Variants in TTC27 observed in about 807,000 individuals in gnomAD.
TTC27 encodes the protein tetratricopeptide repeat domain 27.
Under a neutral mutation model 115.9 loss-of-function variants are expected in TTC27, and 79 were observed. That is an observed-to-expected ratio of 0.68 (90% CI 0.57 to 0.82). The LOEUF is 0.82. Ranked by LOEUF, TTC27 falls within the 40% of genes least tolerant of loss-of-function variation. The pLI is 0.00. For missense variants in TTC27, 1,054 were observed against 993.1 expected (o/e 1.06, Z -0.82); for synonymous variants, 401 against 356.0 (o/e 1.13, Z -1.42).
Position 32,664,383 on chromosome 2 carries a change from T to C in TTC27, c.721T>C (p.Phe241Leu). The change falls in exon 6 of 20, where the codon TTT becomes CTT. Residue 241 changes from phenylalanine (F) to leucine (L), a missense_variant. By Grantham distance (22) the Phe-to-Leu change is conservative. Coordinates refer to ENST00000317907, the MANE Select transcript of TTC27 (RefSeq NM_017735.5). ...IQFHLECAYV[F>L]LYYYEYRKAK... ...ATTCCATCTGGAATGTGCATATGTG[T>C]TTTTATATTATTATGAGTACAGAAA... 6.2e-7 allele frequency: 1 copy of C among 1,612,756 alleles called. No individual in the cohort carries two copies. The highest frequency in any genetic ancestry group is 2.2e-5 in the East Asian group (1 of 44,726).
At chr2:32,630,430 A>G (rs1187558770) in intron 1 of TTC27, 93 bp from the exon 2 acceptor site, 14 of 970,662 alleles carry the variant, frequency 1.4e-5, no homozygotes, top group Non-Finnish European at 1.8e-5. Context: ...TTGTTTTTGC[A>G]CACTAAAATG....
chr2:32,716,526 TG>T (rs1401394133), intron 10 of TTC27, among the ~76,000 whole-genome samples: 5 of 152,198 alleles, frequency 3.3e-5, no homozygotes, highest in Admixed American at 3.3e-4. Context: ...TTCTGTCTCT[TG>T]ATTTGTCAAC....
At chr2:32,762,852 G>A (rs537998842) in intron 13 of TTC27, among the ~76,000 whole-genome samples, 197 of 152,288 alleles carry the variant, frequency 1.3e-3, no homozygotes, top group African/African-American at 4.5e-3. Context: ...ATGTTGGTCA[G>A]GCTGGTCTTG....
chr2:32,772,865 G>T (rs1357130989), intron 13 of TTC27, among the ~76,000 whole-genome samples: 1 of 152,036 alleles, frequency 6.6e-6, no homozygotes, highest in Non-Finnish European at 1.5e-5. Context: ...GGGGCATCTG[G>T]AGAACTCAGG....
At chr2:32,754,744 C>T (rs540628615) in intron 12 of TTC27, among the ~76,000 whole-genome samples, 20 of 151,562 alleles carry the variant, frequency 1.3e-4, no homozygotes, top group African/African-American at 3.6e-4. Context: ...TCTCTCACCT[C>T]CCGGACGGGG....
chr2:32,747,557 A>G (rs992764477), intron 12 of TTC27, among the ~76,000 whole-genome samples: 1 of 152,202 alleles, frequency 6.6e-6, no homozygotes, highest in Non-Finnish European at 1.5e-5. Flanking sequence ...GTGTATTGCT[A>G]TGGTACCATT....
intron 10 of TTC27, among the ~76,000 whole-genome samples, chr2:32,718,271 C>A (rs569537521): frequency 6.6e-6 from 1 of 152,058 alleles, no homozygotes; most frequent in African/African-American, 2.4e-5. Context: ...ATCTTCTGTG[C>A]CTCTTCTAAG....
At chr2:32,784,540 C>T (rs1480945665) in intron 15 of TTC27, among the ~76,000 whole-genome samples, 2 of 152,158 alleles carry the variant, frequency 1.3e-5, no homozygotes, top group African/African-American at 2.4e-5. Flanking sequence ...TGATTCCCCT[C>T]GATATCATGT....
rs1489588630 is a variant in TTC27 at position 32,785,701 on chromosome 2, C to G, written c.1833-1283C>G. Among the ~76,000 whole-genome samples, 3 of 151,968 alleles carry G rather than the reference C, an allele frequency of 2.0e-5. No individual in the cohort carries two copies. The East Asian group carries it at 5.9e-4, about 30-fold the overall frequency. On this transcript the variant is annotated intron_variant, in intron 15 of 19. Transcript: ENST00000317907. ...ACCTCCACCTCCCGGGTTCAAGCGA[C>G]TCTCCTGCCTCAGCCTCCCAAGTAG...
chr2:32,635,426 C>A (rs1664380525), intron 3 of TTC27: 1 of 152,952 alleles, frequency 6.5e-6, no homozygotes, highest in African/African-American at 2.4e-5. Flanking sequence ...GTGGCTCATG[C>A]CTGTAATCCC....
chr2:32,760,277 A>G (rs973596940), intron 13 of TTC27, among the ~76,000 whole-genome samples: 8 of 152,228 alleles, frequency 5.3e-5, no homozygotes. Flanking sequence ...TAATGGGTGT[A>G]TTTGACAGCA....
rs2151863112 is a variant in TTC27, at chr2:32,640,400, C to G, written c.527C>G (p.Thr176Arg). Residue 176 changes from threonine to arginine, a missense_variant, in exon 4 of 20, where the codon ACA (threonine) becomes AGA (arginine). Transcript: ENST00000317907. ...CTAGTGAATGTAAGACATAAACTGA[C>G]AGCTATTCAGGTAAGGAAAGGATCC... is the stretch of plus-strand genomic sequence containing the variant. ...IILVNVRHKL[T>R]AIQSLPWWTL... is the part of the protein sequence containing the mutation. 4 of 1,613,446 alleles carry G rather than the reference C, an allele frequency of 2.5e-6. No homozygotes were observed. The East Asian group carries it at 8.9e-5, about 36-fold the overall frequency.
At chr2:32,819,275 A>T (rs1265027770) in intron 19 of TTC27, among the ~76,000 whole-genome samples, 1 of 152,188 alleles carries the variant, frequency 6.6e-6, no homozygotes, top group Admixed American at 6.5e-5. Flanking sequence ...CACATAATGA[A>T]AATGCGGCCC....
At chr2:32,769,075 C>G (rs150280849) in intron 13 of TTC27, among the ~76,000 whole-genome samples, 1,797 of 152,218 alleles carry the variant, frequency 0.012, 33 homozygotes, top group African/African-American at 0.04. Flanking sequence ...GTGGAAGTTA[C>G]TTGAAACCAT....
At chr2:32,727,736 T>TTTTTG (rs1381282853) in intron 10 of TTC27, among the ~76,000 whole-genome samples, 35 of 152,306 alleles carry the variant, frequency 2.3e-4, no homozygotes, top group Non-Finnish European at 4.4e-4. Context: ...TTTTCAAGAC[T>TTTTTG]TTTTGTTTTG....
At chr2:32,640,650 A>G (rs1364805340) in intron 4 of TTC27, among the ~76,000 whole-genome samples, 1 of 151,834 alleles carries the variant, frequency 6.6e-6, no homozygotes, top group East Asian at 1.9e-4. Flanking sequence ...CTGTGTAGAT[A>G]TAAATGTTCA....
chr2:32,691,547 C>T (rs1341181630), intron 9 of TTC27, among the ~76,000 whole-genome samples: 3 of 152,074 alleles, frequency 2.0e-5, no homozygotes, highest in Admixed American at 6.6e-5. Context: ...GATCAGTCCA[C>T]CTCAGCCTCC....
At chr2:32,725,220 C>T (rs1668068217) in intron 10 of TTC27, among the ~76,000 whole-genome samples, 1 of 152,128 alleles carries the variant, frequency 6.6e-6, no homozygotes, top group Admixed American at 6.5e-5. Context: ...ATCAATCATG[C>T]CATCCCAACA....
chr2:32,798,777 C>T (rs993779589), intron 16 of TTC27, among the ~76,000 whole-genome samples: 5 of 151,522 alleles, frequency 3.3e-5, no homozygotes, highest in East Asian at 1.9e-4. Flanking sequence ...AATCCTTGTG[C>T]GCTGTTGGTG....
Sources: allele counts gnomAD v4.1 joint callset (sites outside exome capture counted in the v4.1 genomes callset), GRCh38; gene constraint gnomAD v4.1.1; transcripts MANE v1.5; gene names NCBI Gene and HGNC (gene_info 2026-07-23, HGNC 2026-07-21).